Variants in COG5 observed in about 807,000 individuals in gnomAD.
The protein encoded by COG5 is conserved oligomeric Golgi complex subunit 5.
COG5 carries 86 observed loss-of-function variants against 110.4 expected under a neutral mutation model. The observed-to-expected ratio is 0.78, with a 90% confidence interval of 0.65 to 0.93. The LOEUF (loss-of-function observed/expected upper bound fraction) is 0.93, where lower values mean the gene tolerates loss of function less well. Among genes scored for constraint, COG5 ranks in the 40% least tolerant of loss-of-function variants. COG5 has a pLI of 0.00. For synonymous variants in COG5, 360 were observed against 334.6 expected (o/e 1.08, Z -0.83); for missense variants, 1,077 against 987.0 (o/e 1.09, Z -1.22).
chr7:107,247,108 T>C (rs1461932272), intron 17 of COG5, among the ~76,000 whole-genome samples: 1 of 152,160 alleles, frequency 6.6e-6, no homozygotes, highest in East Asian at 1.9e-4. Context: ...CTCAGCAACC[T>C]ATTGCAGGAA....
intron 14 of COG5, among the ~76,000 whole-genome samples, chr7:107,280,406 T>C (rs1317771931): frequency 1.3e-5 from 2 of 152,110 alleles, no homozygotes; most frequent in African/African-American, 4.8e-5. Context: ...TCCTTCAGTA[T>C]GTCACCAACT....
At chr7:107,552,093 C>T (rs1802936741) in intron 3 of COG5, among the ~76,000 whole-genome samples, 1 of 152,144 alleles carries the variant, frequency 6.6e-6, no homozygotes, top group South Asian at 2.1e-4. Flanking sequence ...AAAACAAGCA[C>T]ATTATAAACT....
intron 6 of COG5, among the ~76,000 whole-genome samples, chr7:107,478,443 C>G (rs1209306263): frequency 1.3e-5 from 2 of 151,658 alleles, no homozygotes; most frequent in African/African-American, 4.8e-5. Flanking sequence ...TTTCAGTTAC[C>G]CATGGTCAGT....
At chr7:107,444,525 T>C (rs1190723781) in intron 6 of COG5, among the ~76,000 whole-genome samples, 1 of 152,204 alleles carries the variant, frequency 6.6e-6, no homozygotes, top group Admixed American at 6.5e-5. Context: ...TTTCACCCCC[T>C]ACTTTATTTA....
At chr7:107,388,690 G>A (rs1790383114) in intron 7 of COG5, among the ~76,000 whole-genome samples, 1 of 152,180 alleles carries the variant, frequency 6.6e-6, no homozygotes, top group South Asian at 2.1e-4. Flanking sequence ...GCAGTTTCAT[G>A]GAAAGATGTG....
intron 10 of COG5, among the ~76,000 whole-genome samples, chr7:107,327,553 G>A (rs974639818): frequency 1.3e-5 from 2 of 151,934 alleles, no homozygotes; most frequent in Non-Finnish European, 1.5e-5. Flanking sequence ...ATCTAATAAG[G>A]AGTTAATATT....
intron 5 of COG5, among the ~76,000 whole-genome samples, chr7:107,540,717 T>TA (rs1801919438): frequency 6.6e-6 from 1 of 150,810 alleles, no homozygotes; most frequent in South Asian, 2.1e-4. Flanking sequence ...ACCCTAAACA[T>TA]AAAATACACA....
rs375768411 is a variant in COG5, at chr7:107,325,512, G to A, written c.1027-991C>T. ...CTAAAAATACAAAAATTAGCCAGGT[G>A]TGGTGGCGCATGCCTGTAATCCCAG... On this transcript the variant is annotated intron_variant, in intron 10 of 21. Transcript: ENST00000297135. 2.0e-5 allele frequency among the ~76,000 whole-genome samples: 3 copies of A among 152,050 alleles called. No individual in the cohort carries two copies. In the East Asian group the frequency reaches 5.8e-4, roughly 29 times the overall value.
intron 6 of COG5, among the ~76,000 whole-genome samples, chr7:107,432,631 C>T (rs1584815762): frequency 6.6e-6 from 1 of 152,160 alleles, no homozygotes; most frequent in East Asian, 1.9e-4. Flanking sequence ...GCTGCCTCTA[C>T]ATGAAAATAA....
chr7:107,322,081 T>C (rs1008028643), intron 11 of COG5, among the ~76,000 whole-genome samples: 1 of 152,164 alleles, frequency 6.6e-6, no homozygotes, highest in Non-Finnish European at 1.5e-5. Flanking sequence ...AAAAAAGTTA[T>C]ACAGATGGCA....
intron 17 of COG5, 70 bp downstream of exon 17, chr7:107,248,326 G>A: frequency 2.0e-6 from 2 of 982,560 alleles, no homozygotes; most frequent in South Asian, 2.6e-5. Flanking sequence ...AGCTTAGGGA[G>A]TAAGCATAGA....
At chr7:107,523,763 C>T (rs1407902058) in intron 6 of COG5, among the ~76,000 whole-genome samples, 3 of 150,438 alleles carry the variant, frequency 2.0e-5, no homozygotes, top group African/African-American at 4.9e-5. Context: ...TGCCGTGAGG[C>T]GAGATTGCGC....
chr7:107,497,242 G>C (rs1473933664), intron 6 of COG5, among the ~76,000 whole-genome samples: 2 of 152,024 alleles, frequency 1.3e-5, no homozygotes, highest in African/African-American at 4.8e-5. Context: ...GAACAAACAA[G>C]TATTAGCCTG....
intron 6 of COG5, among the ~76,000 whole-genome samples, chr7:107,477,847 AT>A (rs1797082780): frequency 6.6e-6 from 1 of 151,862 alleles, no homozygotes; most frequent in African/African-American, 2.4e-5. Flanking sequence ...AAGACGAAAT[AT>A]TTCTATTTTC....
At chr7:107,446,229 T>C (rs1206063904) in intron 6 of COG5, among the ~76,000 whole-genome samples, 1 of 152,212 alleles carries the variant, frequency 6.6e-6, no homozygotes, top group Non-Finnish European at 1.5e-5. Flanking sequence ...TCCTGAGACC[T>C]TTAAGAAACA....
chr7:107,312,844 G>T (rs1808403718), intron 11 of COG5, among the ~76,000 whole-genome samples: 1 of 151,066 alleles, frequency 6.6e-6, no homozygotes. Context: ...GAGGACCTCG[G>T]CAGAAGAAGG....
intron 17 of COG5, among the ~76,000 whole-genome samples, chr7:107,237,541 G>A (rs1801297717): frequency 6.6e-6 from 1 of 152,176 alleles, no homozygotes; most frequent in African/African-American, 2.4e-5. Context: ...AAGAACAACA[G>A]ATATGACTAA....
intron 7 of COG5, among the ~76,000 whole-genome samples, chr7:107,384,147 G>A (rs750486499): frequency 3.0e-4 from 45 of 152,142 alleles, no homozygotes; most frequent in Non-Finnish European, 6.0e-4. Flanking sequence ...CACACAACCA[G>A]AGCCTCTGAC....
At chr7:107,393,493 C>T (rs924768844) in intron 7 of COG5, among the ~76,000 whole-genome samples, 2 of 152,210 alleles carry the variant, frequency 1.3e-5, no homozygotes, top group Non-Finnish European at 2.9e-5. Context: ...TTTGTCATCA[C>T]AAGATAGGCA....
Sources: gnomAD v4.1 joint callset for allele counts (sites outside exome capture counted in the v4.1 genomes callset) on GRCh38, gnomAD v4.1.1 for gene constraint, MANE v1.5 for transcripts, NCBI Gene and HGNC (gene_info 2026-07-23, HGNC 2026-07-21) for gene names.